PRIM2: variants seen among roughly 807,000 people sequenced by gnomAD.
The protein encoded by PRIM2 is DNA primase subunit 2.
A neutral mutation model predicts 67.3 loss-of-function variants in PRIM2; 39 were observed. The observed-to-expected ratio is 0.58, with a 90% CI of 0.45 to 0.76. The LOEUF is 0.76. Ranked by LOEUF, PRIM2 falls within the 30% of genes least tolerant of loss-of-function variation. The pLI is 0.00. For missense variants in PRIM2, 398 were observed against 598.7 expected, an observed-to-expected ratio of 0.66 and a Z score of 3.50; for synonymous variants, 143 against 198.7, an observed-to-expected ratio of 0.72 and a Z score of 2.36.
chr6:57,603,314 G>C (rs1427902452), intron 11 of PRIM2, among the ~76,000 whole-genome samples: 1 of 152,182 alleles, frequency 6.6e-6, no homozygotes, highest in Non-Finnish European at 1.5e-5. Flanking sequence ...CCAATCTACT[G>C]ATGAACCTAT....
intron 7 of PRIM2, among the ~76,000 whole-genome samples, chr6:57,490,738 G>A (rs1554345903): frequency 6.6e-6 from 1 of 152,182 alleles, no homozygotes; most frequent in Admixed American, 6.5e-5. Flanking sequence ...GAGGACCTCT[G>A]AAGGCAGAAG....
chr6:57,352,490 C>T (rs1466308120), intron 5 of PRIM2, among the ~76,000 whole-genome samples: 1 of 152,168 alleles, frequency 6.6e-6, no homozygotes, highest in African/African-American at 2.4e-5. Flanking sequence ...CCATCTGCTT[C>T]GGCCTCCCAA....
rs1451616370 is a variant in PRIM2 at position 57,519,305 on chromosome 6, G to A, written c.761+11851G>A. On this transcript the variant is annotated intron_variant, in intron 8 of 13. Coordinates refer to ENST00000615550, the MANE Select transcript of PRIM2 (RefSeq NM_000947.5). ...CAACTGGTCTGACCAAAATTTATTA[G>A]GCAGGAATTTCCTCTTCCTAATAAG... is the stretch of plus-strand genomic sequence containing the variant. Among the ~76,000 whole-genome samples the A allele has an allele frequency of 1.3e-3, 200 of 152,296 alleles. 6 individuals carry two copies. The South Asian group carries it at 0.04, about 31-fold the overall frequency.
At chr6:57,386,939 A>G (rs1349749025) in intron 7 of PRIM2, among the ~76,000 whole-genome samples, 3 of 152,218 alleles carry the variant, frequency 2.0e-5, no homozygotes, top group Non-Finnish European at 4.4e-5. Context: ...GTTTTACCCC[A>G]GGTGACAACT....
chr6:57,411,085 G>A (rs1449952995), intron 7 of PRIM2, among the ~76,000 whole-genome samples: 3 of 151,862 alleles, frequency 2.0e-5, no homozygotes, highest in African/African-American at 7.3e-5. Flanking sequence ...ATGGTAATGA[G>A]TTCTCCTGAG....
the PRIM2 span, among the ~76,000 whole-genome samples, chr6:57,223,580 G>A: frequency 1.9e-3 from 288 of 152,176 alleles, no homozygotes; most frequent in Non-Finnish European, 3.6e-3. Context: ...GATTTGGTTG[G>A]CAGTATCTCT....
intron 7 of PRIM2, among the ~76,000 whole-genome samples, chr6:57,459,730 T>C (rs1197134781): frequency 2.0e-5 from 3 of 152,168 alleles, no homozygotes; most frequent in Admixed American, 6.5e-5. Flanking sequence ...CAAAAACATG[T>C]TTTTGCTTTT....
the PRIM2 span, among the ~76,000 whole-genome samples, chr6:57,237,847 C>T: frequency 3.3e-3 from 496 of 152,206 alleles, 2 homozygotes; most frequent in Middle Eastern, 0.014. Flanking sequence ...AATCAGGTAG[C>T]GTGATGCCTC....
chr6:57,304,530 T>C, the PRIM2 span, among the ~76,000 whole-genome samples: 1 of 152,174 alleles, frequency 6.6e-6, no homozygotes, highest in African/African-American at 2.4e-5. Flanking sequence ...CAAAACAACA[T>C]AATTGCTTCA....
At chr6:57,609,624 G>A (rs1175111981) in intron 12 of PRIM2, among the ~76,000 whole-genome samples, 46 of 152,214 alleles carry the variant, frequency 3.0e-4, no homozygotes, top group African/African-American at 6.3e-4. Context: ...GTATTTCTCC[G>A]TTTGCCCTTG....
chr6:57,326,237 A>G, intron 5 of PRIM2, 192 bp downstream of exon 5: 1 of 496,906 alleles, frequency 2.0e-6, no homozygotes, highest in South Asian at 3.5e-5. Context: ...CTCCTTAATA[A>G]CAAAGTCTCA....
Position 57,350,405 on chromosome 6 carries a change from G to A in PRIM2, c.459+24360G>A, listed in dbSNP as rs1768822974. On this transcript the variant is annotated intron_variant, in intron 5 of 13. Transcript: ENST00000615550. ...TTATTTACATTTTGATGATGTTAGTGTAAAGAAAACCATAGAGAAATCTCA... is the reference window on the plus strand; with the variant it reads ...TTATTTACATTTTGATGATGTTAGTATAAAGAAAACCATAGAGAAATCTCA... Among the ~76,000 whole-genome samples, 3 of 152,272 alleles carry A rather than the reference G, an allele frequency of 2.0e-5. No individual in the cohort carries two copies. The South Asian group carries it at 6.2e-4, about 32-fold the overall frequency.
chr6:57,255,609 C>T, the PRIM2 span, among the ~76,000 whole-genome samples: 1 of 151,932 alleles, frequency 6.6e-6, no homozygotes, highest in Non-Finnish European at 1.5e-5. Flanking sequence ...TCCATTTTTA[C>T]ACTGGTTGGG....
At chr6:57,402,432 C>A (rs1473010323) in intron 7 of PRIM2, among the ~76,000 whole-genome samples, 1 of 152,070 alleles carries the variant, frequency 6.6e-6, no homozygotes, top group Non-Finnish European at 1.5e-5. Context: ...GTGGGGGGAG[C>A]TAAGATGTCC....
intron 11 of PRIM2, among the ~76,000 whole-genome samples, chr6:57,603,538 A>C (rs1288846128): frequency 6.6e-6 from 1 of 151,914 alleles, no homozygotes; most frequent in Non-Finnish European, 1.5e-5. Flanking sequence ...TCATTAGTCT[A>C]TGTGTCGGTT....
chr6:57,372,344 G>C (rs1175244332), intron 5 of PRIM2, among the ~76,000 whole-genome samples: 1 of 152,180 alleles, frequency 6.6e-6, no homozygotes, highest in Non-Finnish European at 1.5e-5. Context: ...TGGAAATCCA[G>C]TTTGGTTTCT....
At chr6:57,336,611 G>T (rs1349805411) in intron 5 of PRIM2, among the ~76,000 whole-genome samples, 1 of 151,998 alleles carries the variant, frequency 6.6e-6, no homozygotes, top group South Asian at 2.1e-4. Context: ...GCCAAACTAA[G>T]CTTCATAAGT....
chr6:57,450,477 G>A (rs1772506853), intron 7 of PRIM2, among the ~76,000 whole-genome samples: 1 of 152,260 alleles, frequency 6.6e-6, no homozygotes, highest in African/African-American at 2.4e-5. Context: ...AACCATAATA[G>A]TTTTCCAGTT....
intron 12 of PRIM2, among the ~76,000 whole-genome samples, chr6:57,622,082 C>G (rs1192142292): frequency 1.3e-5 from 2 of 152,064 alleles, no homozygotes; most frequent in Admixed American, 1.3e-4. Flanking sequence ...TCCCAAGTAG[C>G]TGGGATTACA....
Sources: gnomAD v4.1 joint callset for allele counts (sites outside exome capture counted in the v4.1 genomes callset) on GRCh38, gnomAD v4.1.1 for gene constraint, MANE v1.5 for transcripts, NCBI Gene and HGNC (gene_info 2026-07-23, HGNC 2026-07-21) for gene names.